The following RNF144A variants were observed in gnomAD, a reference collection of about 807,000 sequenced individuals.
RNF144A encodes E3 ubiquitin-protein ligase RNF144A.
Under a neutral mutation model 38.7 loss-of-function variants are expected in RNF144A, and 11 were observed. The observed-to-expected ratio is 0.28, with a 90% CI of 0.18 to 0.47. The LOEUF (loss-of-function observed/expected upper bound fraction) is 0.47, where lower values mean the gene tolerates loss of function less well. RNF144A is among the 20% of genes least tolerant of loss of function. The pLI is 0.99. For synonymous variants in RNF144A, 149 were observed against 143.9 expected, an observed-to-expected ratio of 1.04 and a Z score of -0.25; for missense variants, 316 against 377.2, an observed-to-expected ratio of 0.84 and a Z score of 1.34.
At chr2:7,009,167 T>G (rs2103411097) in intron 3 of RNF144A, among the ~76,000 whole-genome samples, 1 of 152,270 alleles carries the variant, frequency 6.6e-6, no homozygotes, top group Admixed American at 6.5e-5. Flanking sequence ...TGATGGAAAT[T>G]GTGCATAGGT....
At chr2:7,025,087 C>G (rs568403576) in intron 7 of RNF144A, among the ~76,000 whole-genome samples, 21 of 152,292 alleles carry the variant, frequency 1.4e-4, no homozygotes, top group South Asian at 8.3e-4. Context: ...GCCCTTTGCT[C>G]TCTGGCAGAA....
intron 3 of RNF144A, among the ~76,000 whole-genome samples, chr2:7,002,904 G>A (rs1441108192): frequency 1.3e-5 from 2 of 152,166 alleles, no homozygotes; most frequent in African/African-American, 4.8e-5. Context: ...GGGAGAAGAT[G>A]TGGAGGTGGA....
rs192035352 is a variant in RNF144A at position 7,000,942 on chromosome 2, A to G, written c.135+3881A>G. On this transcript the variant is annotated intron_variant, in intron 3 of 8. Coordinates refer to ENST00000320892, the MANE Select transcript of RNF144A (RefSeq NM_014746.6). ...ACCAGCTATTTATTGGCAATTAGGA[A>G]TTTTGCCATTAGAACCCAGATGACA... Among the ~76,000 whole-genome samples the G allele has an allele frequency of 1.8e-4, 28 of 152,022 alleles. No homozygotes were observed. In the East Asian group the frequency reaches 4.4e-3, roughly 24 times the overall value.
At chr2:6,959,789 AC>A (rs70942682) in intron 2 of RNF144A, among the ~76,000 whole-genome samples, 11 of 150,934 alleles carry the variant, frequency 7.3e-5, no homozygotes, top group East Asian at 3.9e-4. Context: ...AAAGATCACC[AC>A]CCCCCCCATA....
chr2:7,014,563 G>T lies in RNF144A; in HGVS notation c.240+5G>T. 1 of 1,591,934 alleles carries T rather than the reference G, an allele frequency of 6.3e-7. No homozygotes were observed. The highest frequency in any genetic ancestry group is 8.6e-7 in the Non-Finnish European group (1 of 1,167,376). Reference sequence around the variant, plus strand: ...GGCCACCTACAGGAGAACGAGGCATGTGCAATTGAACAGACTGGGCTGTTT... The same window carrying T: ...GGCCACCTACAGGAGAACGAGGCATTTGCAATTGAACAGACTGGGCTGTTT... On this transcript the variant is annotated splice_donor_5th_base_variant and intron_variant, in intron 4 of 8. Coordinates refer to ENST00000320892, the MANE Select transcript of RNF144A (RefSeq NM_014746.6).
In RNF144A at chr2:6,939,697, A is replaced by C. The variant is rs553517424; in HGVS notation, c.-211-1251A>C. Among the ~76,000 whole-genome samples the C allele has an allele frequency of 4.6e-5, 7 of 152,212 alleles. No individual in the cohort carries two copies. The East Asian group carries it at 1.4e-3, about 29-fold the overall frequency. On this transcript the variant is annotated intron_variant, in intron 1 of 8. Coordinates refer to ENST00000320892, the MANE Select transcript of RNF144A (RefSeq NM_014746.6). The stretch of plus-strand genomic sequence containing the variant: ...ATGTTTTATTTGTAAGAGTTTTATA[A>C]ATTTAGCTGTTATATTTAGGTCTAT...
intron 1 of RNF144A, among the ~76,000 whole-genome samples, chr2:6,927,187 T>C (rs1351545707): frequency 6.6e-6 from 1 of 152,230 alleles, no homozygotes; most frequent in Non-Finnish European, 1.5e-5. Flanking sequence ...GCCTTCACTC[T>C]AGGCCAGGTA....
intron 2 of RNF144A, among the ~76,000 whole-genome samples, chr2:6,982,570 A>G (rs1558403787): frequency 6.6e-6 from 1 of 152,332 alleles, no homozygotes; most frequent in South Asian, 2.1e-4. Context: ...ACAGCTTAAC[A>G]TTTTTCCTTC....
intron 2 of RNF144A, among the ~76,000 whole-genome samples, chr2:6,978,293 A>G (rs1668430759): frequency 1.3e-5 from 2 of 152,214 alleles, no homozygotes; most frequent in African/African-American, 4.8e-5. Flanking sequence ...TTCTATATTA[A>G]TGATGCTCAA....
intron 3 of RNF144A, among the ~76,000 whole-genome samples, chr2:7,008,283 C>T (rs145673472): frequency 1.6e-3 from 247 of 152,368 alleles, no homozygotes; most frequent in East Asian, 6.4e-3. Context: ...CAGGCCTCCT[C>T]GGGAACGTCC....
intron 1 of RNF144A, among the ~76,000 whole-genome samples, chr2:6,935,488 A>T (rs1030387423): frequency 1.3e-5 from 2 of 152,190 alleles, no homozygotes; most frequent in Non-Finnish European, 2.9e-5. Flanking sequence ...CTCCATCCTC[A>T]GGCCTCTTTT....
At chr2:6,932,329 A>G (rs766645450) in intron 1 of RNF144A, among the ~76,000 whole-genome samples, 1 of 152,200 alleles carries the variant, frequency 6.6e-6, no homozygotes, top group Non-Finnish European at 1.5e-5. Flanking sequence ...CCTGTGGACA[A>G]TGCAACATGT....
intron 2 of RNF144A, among the ~76,000 whole-genome samples, chr2:6,992,813 T>C (rs1669477623): frequency 6.6e-6 from 1 of 152,244 alleles, no homozygotes; most frequent in African/African-American, 2.4e-5. Flanking sequence ...TCTCTTATCC[T>C]TGTGTCCACA....
chr2:7,074,902 A>G, the RNF144A span, among the ~76,000 whole-genome samples: 1 of 152,216 alleles, frequency 6.6e-6, no homozygotes, highest in African/African-American at 2.4e-5. Flanking sequence ...TTGAGTGATC[A>G]AAGAATGACA....
At position 7,027,760 on chromosome 2, in the gene RNF144A, TG is replaced by T. The variant is rs147664854; in HGVS notation, c.658-2365del. Among the ~76,000 whole-genome samples, 1,003 of 152,368 alleles carry T rather than the reference TG, an allele frequency of 6.6e-3. 8 individuals are homozygous for T. Among genetic ancestry groups the T allele is most frequent in the Middle Eastern group, 0.014 (4 of 294 alleles). ...GTATTCCCTATCACAGAAATAGATC[TG>T]TGTTCCTGCAGCTCCTGGGATTGTT... On this transcript the variant is annotated intron_variant, in intron 7 of 8. Transcript: ENST00000320892.
intron 8 of RNF144A, among the ~76,000 whole-genome samples, chr2:7,031,048 G>A (rs1672265710): frequency 6.6e-6 from 1 of 152,072 alleles, no homozygotes; most frequent in Non-Finnish European, 1.5e-5. Context: ...CGTGAGCAAT[G>A]GGGAGCAGCT....
chr2:7,016,413 A>G (rs1162896471), intron 5 of RNF144A, among the ~76,000 whole-genome samples: 1 of 152,184 alleles, frequency 6.6e-6, no homozygotes, highest in Non-Finnish European at 1.5e-5. Context: ...TGAACTTTCT[A>G]TGACATTGAA....
Position 7,024,381 on chromosome 2 carries a change from A to C in RNF144A, c.522A>C (p.Lys174Asn). ...FLPGETSAAF[K>N]MEEDDAPIKR... ...GTTTCTCCCACAGTGCTGCTTTCAAAATGGAAGAAGATGACGCGCCCATCA... is the reference window on the plus strand; with the variant it reads ...GTTTCTCCCACAGTGCTGCTTTCAACATGGAAGAAGATGACGCGCCCATCA... Residue 174 changes from lysine (K) to asparagine (N), a missense_variant, in exon 7 of 9, where the codon AAA becomes AAC. Coordinates refer to ENST00000320892, the MANE Select transcript of RNF144A (RefSeq NM_014746.6). 5 of 1,606,832 alleles carry C rather than the reference A, an allele frequency of 3.1e-6. No homozygotes were observed. The highest frequency in any genetic ancestry group is 4.3e-6 in the Non-Finnish European group (5 of 1,173,714).
At position 6,965,457 on chromosome 2, in the gene RNF144A, G is replaced by A. The variant is rs947970151; in HGVS notation, c.-12+24310G>A. On this transcript the variant is annotated intron_variant, in intron 2 of 8. Coordinates refer to ENST00000320892, the MANE Select transcript of RNF144A (RefSeq NM_014746.6). ...GTGTCAATTACTCAATTACAGAAAC[G>A]TCTATATATTCAGGGCCTTTATGGA... 7.9e-5 allele frequency among the ~76,000 whole-genome samples: 12 copies of A among 152,166 alleles called. 1 individual carries two copies. Among genetic ancestry groups the A allele is most frequent in the Non-Finnish European group, 1.6e-4 (11 of 68,036 alleles).
Sources: allele counts gnomAD v4.1 joint callset (sites outside exome capture counted in the v4.1 genomes callset), GRCh38; gene constraint gnomAD v4.1.1; transcripts MANE v1.5; gene names NCBI Gene and HGNC (gene_info 2026-07-23, HGNC 2026-07-21).